The following DOCK2 variants were observed in gnomAD, a reference collection of about 807,000 sequenced individuals.
DOCK2 encodes dedicator of cytokinesis protein 2.
Under a neutral mutation model 248.9 loss-of-function variants are expected in DOCK2, and 87 were observed. That is an observed-to-expected ratio of 0.35 (90% CI 0.29 to 0.42). The LOEUF (loss-of-function observed/expected upper bound fraction) is 0.42, where lower values mean the gene tolerates loss of function less well. Among genes scored for constraint, DOCK2 ranks in the 10% least tolerant of loss-of-function variants. The pLI is 1.00. For synonymous variants in DOCK2, 805 were observed against 821.6 expected, an observed-to-expected ratio of 0.98 and a Z score of 0.35; for missense variants, 1,747 against 2,300.2, an observed-to-expected ratio of 0.76 and a Z score of 4.92.
chr5:169,806,954 A>G (rs1767406734), intron 26 of DOCK2, among the ~76,000 whole-genome samples: 1 of 148,792 alleles, frequency 6.7e-6, no homozygotes, highest in Non-Finnish European at 1.5e-5. Context: ...ACGTATCCTC[A>G]TTCTTCTTGG....
At chr5:170,068,180 C>T (rs1757561501) in intron 45 of DOCK2, among the ~76,000 whole-genome samples, 1 of 152,210 alleles carries the variant, frequency 6.6e-6, no homozygotes, top group African/African-American at 2.4e-5. Flanking sequence ...AAGGTCCCTC[C>T]AGAAAGCCCC....
At chr5:169,820,374 AG>A (rs1423568167) in intron 26 of DOCK2, among the ~76,000 whole-genome samples, 1 of 152,218 alleles carries the variant, frequency 6.6e-6, no homozygotes, top group African/African-American at 2.4e-5. Flanking sequence ...ACCCCCCAGT[AG>A]GGGCAGACTG....
At chr5:169,951,860 C>G (rs1458933273) in intron 27 of DOCK2, among the ~76,000 whole-genome samples, 1 of 152,026 alleles carries the variant, frequency 6.6e-6, no homozygotes, top group Non-Finnish European at 1.5e-5. Flanking sequence ...GGAAACTTGC[C>G]CAAGATCACA....
At chr5:169,989,611 A>G (rs544590172) in intron 29 of DOCK2, among the ~76,000 whole-genome samples, 6 of 152,310 alleles carry the variant, frequency 3.9e-5, no homozygotes, top group African/African-American at 1.4e-4. Context: ...GCTGTCATGA[A>G]TTTGGAGCCC....
At chr5:169,891,713 G>A (rs967670903) in intron 27 of DOCK2, among the ~76,000 whole-genome samples, 9 of 152,054 alleles carry the variant, frequency 5.9e-5, no homozygotes, top group African/African-American at 1.7e-4. Context: ...AGCCGGGCAC[G>A]GTGGTTCACA....
At chr5:170,002,461 A>G (rs1461673272) in intron 30 of DOCK2, among the ~76,000 whole-genome samples, 4 of 152,250 alleles carry the variant, frequency 2.6e-5, no homozygotes, top group Non-Finnish European at 4.4e-5. Flanking sequence ...ATGCATAAAA[A>G]AATTCTGAAA....
chr5:170,006,981 T>C (rs766793076), intron 30 of DOCK2, among the ~76,000 whole-genome samples: 1 of 152,200 alleles, frequency 6.6e-6, no homozygotes, highest in Non-Finnish European at 1.5e-5. Flanking sequence ...GAATAAGAGC[T>C]GTCAAGTGTT....
chr5:170,048,698 A>G (rs1346475052), intron 40 of DOCK2, among the ~76,000 whole-genome samples: 2 of 152,154 alleles, frequency 1.3e-5, no homozygotes, highest in Non-Finnish European at 2.9e-5. Flanking sequence ...TATTGTGAAA[A>G]CAGTGTGATC....
intron 46 of DOCK2, among the ~76,000 whole-genome samples, chr5:170,071,370 A>G (rs1267354382): frequency 6.6e-6 from 1 of 152,238 alleles, no homozygotes; most frequent in Non-Finnish European, 1.5e-5. Flanking sequence ...CTTTGAATTT[A>G]CTTAAAACAC....
chr5:169,925,866 G>A (rs1379073211), intron 27 of DOCK2, among the ~76,000 whole-genome samples: 1 of 152,088 alleles, frequency 6.6e-6, no homozygotes, highest in African/African-American at 2.4e-5. Context: ...TGGTTCCCTG[G>A]GGAGAAGATG....
intron 6 of DOCK2, among the ~76,000 whole-genome samples, chr5:169,679,413 C>T (rs1759528029): frequency 6.6e-6 from 1 of 152,180 alleles, no homozygotes; most frequent in African/African-American, 2.4e-5. Context: ...TCTCCTGCCC[C>T]TGGGCCATGA....
At chr5:169,858,754 G>A (rs261035) in intron 27 of DOCK2, among the ~76,000 whole-genome samples, 31,142 of 152,206 alleles carry the variant, frequency 0.2, 4,787 homozygotes, top group African/African-American at 0.43. Flanking sequence ...TGTAATCCCA[G>A]CACTTTGGGA....
At position 170,079,178 on chromosome 5, in the gene DOCK2, G is replaced by T. The variant is rs111861806; in HGVS notation, c.5166+32G>T. 116 of 1,603,678 alleles carry T rather than the reference G, an allele frequency of 7.2e-5. 3 individuals are homozygous for T. The South Asian group carries it at 1.2e-3, about 17-fold the overall frequency. On this transcript the variant is annotated intron_variant, in intron 49 of 51. Transcript: ENST00000520908. ...GGCTGAGGCAGATTGCCTCTCCAGC[G>T]CTGTTAGCACATTTCCACTACATGC...
At chr5:169,832,776 A>G (rs1769310911) in intron 26 of DOCK2, among the ~76,000 whole-genome samples, 1 of 152,214 alleles carries the variant, frequency 6.6e-6, no homozygotes, top group Admixed American at 6.5e-5. Context: ...CTTCCATAGA[A>G]CACAGAATGG....
At position 169,714,354 on chromosome 5, in the gene DOCK2, T is replaced by C; in HGVS notation, c.1844-6T>C. On this transcript the variant is annotated splice_region_variant and splice_polypyrimidine_tract_variant and intron_variant, in intron 18 of 51. Coordinates refer to ENST00000520908, the MANE Select transcript of DOCK2 (RefSeq NM_004946.3). ...GATACTTCTGAATGTCTGGACTCTATTTTAGTGGGCTTGCTGGGTTTGCTG... is the reference window on the plus strand; with the variant it reads ...GATACTTCTGAATGTCTGGACTCTACTTTAGTGGGCTTGCTGGGTTTGCTG... The C allele has an allele frequency of 6.2e-7, 1 of 1,614,052 alleles. No homozygotes were observed. The highest frequency in any genetic ancestry group is 8.5e-7 in the Non-Finnish European group (1 of 1,179,972).
At chr5:169,924,659 A>T (rs749954042) in intron 27 of DOCK2, among the ~76,000 whole-genome samples, 1 of 152,236 alleles carries the variant, frequency 6.6e-6, no homozygotes, top group Non-Finnish European at 1.5e-5. Context: ...TCCTGCTTAA[A>T]AAATGGAGAT....
At chr5:170,008,658 G>A (rs1453863322) in intron 31 of DOCK2, 30 bp from the exon 32 acceptor site, 1 of 1,614,056 alleles carries the variant, frequency 6.2e-7, no homozygotes, top group African/African-American at 1.3e-5. Context: ...CTGAGATGGT[G>A]CCTGAAGCAG....
chr5:169,774,338 T>C (rs1202990666), intron 25 of DOCK2, among the ~76,000 whole-genome samples: 2 of 152,144 alleles, frequency 1.3e-5, no homozygotes, highest in African/African-American at 4.8e-5. Context: ...CCCCAAATAA[T>C]TAACTAGTTT....
intron 27 of DOCK2, among the ~76,000 whole-genome samples, chr5:169,897,392 T>C (rs1323020681): frequency 6.6e-6 from 1 of 152,126 alleles, no homozygotes; most frequent in Non-Finnish European, 1.5e-5. Context: ...GATTTCACCA[T>C]GTTGGAAGGG....
Sources: allele counts gnomAD v4.1 joint callset (sites outside exome capture counted in the v4.1 genomes callset), GRCh38; gene constraint gnomAD v4.1.1; transcripts MANE v1.5; gene names NCBI Gene and HGNC (gene_info 2026-07-23, HGNC 2026-07-21).